The following GPC6 variants were observed in gnomAD, a reference collection of about 807,000 sequenced individuals.
The protein encoded by GPC6 is glypican-6.
In GPC6, 14 loss-of-function variants were observed where a neutral mutation model predicts 55.2. That is an observed-to-expected ratio of 0.25 (90% CI 0.17 to 0.40). The LOEUF is 0.40. GPC6 is among the 10% of genes least tolerant of loss of function. The pLI, the probability that GPC6 is intolerant of heterozygous loss-of-function variation, is 1.00. For synonymous variants in GPC6, 278 were observed against 259.6 expected (o/e 1.07, Z -0.68); for missense variants, 641 against 708.5 (o/e 0.90, Z 1.08).
chr13:93,402,418 T>G (rs772430364), intron 1 of GPC6, among the ~76,000 whole-genome samples: 82 of 152,132 alleles, frequency 5.4e-4, no homozygotes, highest in Non-Finnish European at 8.8e-4. Flanking sequence ...AATGAATGAT[T>G]TTCTAATCTG....
chr13:94,149,604 T>C (rs567047236), intron 4 of GPC6, among the ~76,000 whole-genome samples: 50 of 152,228 alleles, frequency 3.3e-4, no homozygotes, highest in African/African-American at 1.1e-3. Flanking sequence ...GAGTAAGTTA[T>C]CATATTTGGA....
intron 1 of GPC6, among the ~76,000 whole-genome samples, chr13:93,516,304 T>C (rs568845786): frequency 1.8e-4 from 28 of 152,276 alleles, no homozygotes; most frequent in African/African-American, 6.3e-4. Flanking sequence ...CCTTATATCT[T>C]AACATGGAAT....
rs183971899 is a variant in GPC6 at position 93,570,141 on chromosome 13, T to A, written c.319+24720T>A. ...TAAGTTTCCATTGTACTTCAGCTCA[T>A]CCTAAAGAAAGATATTGCCATTAAC... On this transcript the variant is annotated intron_variant, in intron 2 of 8. Coordinates refer to ENST00000377047, the MANE Select transcript of GPC6 (RefSeq NM_005708.5). 3.2e-3 allele frequency among the ~76,000 whole-genome samples: 485 copies of A among 152,272 alleles called. 3 individuals carry two copies. The highest frequency in any genetic ancestry group is 0.011 in the African/African-American group (446 of 41,566).
At chr13:93,696,572 C>G (rs1455627821) in intron 2 of GPC6, among the ~76,000 whole-genome samples, 1 of 148,218 alleles carries the variant, frequency 6.7e-6, no homozygotes. Context: ...AAACAAAAAA[C>G]AAACAACAGC....
intron 2 of GPC6, among the ~76,000 whole-genome samples, chr13:93,650,189 T>C (rs2139597728): frequency 6.6e-6 from 1 of 152,290 alleles, no homozygotes; most frequent in Middle Eastern, 3.4e-3. Context: ...TAACATAAGA[T>C]CATTTTCTAG....
At chr13:93,620,768 A>C (rs757500187) in intron 2 of GPC6, among the ~76,000 whole-genome samples, 4 of 152,184 alleles carry the variant, frequency 2.6e-5, no homozygotes, top group African/African-American at 7.2e-5. Flanking sequence ...AGGTTTAGTC[A>C]GAATGCTCTG....
At chr13:93,694,070 A>G (rs1351013138) in intron 2 of GPC6, among the ~76,000 whole-genome samples, 1 of 152,162 alleles carries the variant, frequency 6.6e-6, no homozygotes, top group Non-Finnish European at 1.5e-5. Context: ...ATTATACATC[A>G]TTTATGAAGG....
chr13:94,348,232 T>C (rs1300887191), intron 6 of GPC6, among the ~76,000 whole-genome samples: 3 of 152,242 alleles, frequency 2.0e-5, no homozygotes, highest in Non-Finnish European at 2.9e-5. Context: ...TATACTCTTA[T>C]GGAGTAATGT....
intron 4 of GPC6, among the ~76,000 whole-genome samples, chr13:94,274,145 A>G (rs1892129952): frequency 6.6e-6 from 1 of 152,228 alleles, no homozygotes; most frequent in Admixed American, 6.5e-5. Context: ...ATGTCGGAAA[A>G]TGAATCCTGT....
intron 3 of GPC6, among the ~76,000 whole-genome samples, chr13:93,883,163 T>C (rs1875099902): frequency 1.3e-5 from 2 of 150,892 alleles, no homozygotes; most frequent in Admixed American, 6.6e-5. Context: ...TGACAACTTT[T>C]TGTCTGGTAG....
intron 2 of GPC6, among the ~76,000 whole-genome samples, chr13:93,693,625 T>C (rs901064392): frequency 2.0e-5 from 3 of 152,012 alleles, no homozygotes; most frequent in Non-Finnish European, 4.4e-5. Flanking sequence ...ACTACGGGCA[T>C]GCACTACTAT....
chr13:93,567,116 T>C (rs1876163198), intron 2 of GPC6, among the ~76,000 whole-genome samples: 2 of 152,174 alleles, frequency 1.3e-5, no homozygotes, highest in African/African-American at 2.4e-5. Context: ...TATTTCTAGT[T>C]CTAGATCCTT....
intron 1 of GPC6, among the ~76,000 whole-genome samples, chr13:93,241,131 G>A (rs189666749): frequency 6.6e-6 from 1 of 152,032 alleles, no homozygotes; most frequent in East Asian, 1.9e-4. Context: ...TATTCTTTTT[G>A]CAATGAATCT....
intron 1 of GPC6, among the ~76,000 whole-genome samples, chr13:93,519,594 A>G (rs1165190096): frequency 2.0e-5 from 3 of 151,952 alleles, no homozygotes; most frequent in Admixed American, 1.3e-4. Context: ...ATGACAGTTA[A>G]AATAAAACAC....
intron 2 of GPC6, among the ~76,000 whole-genome samples, chr13:93,639,580 C>T (rs1236557027): frequency 1.3e-5 from 2 of 152,000 alleles, no homozygotes; most frequent in Non-Finnish European, 2.9e-5. Flanking sequence ...TAGCTTGGAC[C>T]AGTATGGGGT....
intron 1 of GPC6, among the ~76,000 whole-genome samples, chr13:93,328,431 T>A (rs2139132999): frequency 6.6e-6 from 1 of 152,242 alleles, no homozygotes; most frequent in East Asian, 1.9e-4. Context: ...CTTAGCATTT[T>A]GGGAGACTGA....
intron 6 of GPC6, among the ~76,000 whole-genome samples, chr13:94,314,748 T>C (rs1876432527): frequency 2.0e-5 from 3 of 152,248 alleles, no homozygotes; most frequent in Non-Finnish European, 4.4e-5. Flanking sequence ...TTCATGCTTA[T>C]GAGAGATAGA....
intron 4 of GPC6, among the ~76,000 whole-genome samples, chr13:94,281,284 A>G (rs1270641414): frequency 6.6e-6 from 1 of 152,104 alleles, no homozygotes; most frequent in African/African-American, 2.4e-5. Context: ...GCACCTGTCA[A>G]CCTGTCATCT....
At chr13:93,886,346 A>G (rs1233064704) in intron 3 of GPC6, among the ~76,000 whole-genome samples, 2 of 152,058 alleles carry the variant, frequency 1.3e-5, no homozygotes, top group East Asian at 1.9e-4. Flanking sequence ...CAGTGGTGGT[A>G]TGTGTAGGAT....
Sources: gnomAD v4.1 joint callset for allele counts (sites outside exome capture counted in the v4.1 genomes callset) on GRCh38, gnomAD v4.1.1 for gene constraint, MANE v1.5 for transcripts, NCBI Gene and HGNC (gene_info 2026-07-23, HGNC 2026-07-21) for gene names.